The following KIAA0319L variants were observed in gnomAD, a reference collection of about 807,000 sequenced individuals.
KIAA0319L encodes the protein KIAA0319 like.
A neutral mutation model predicts 120.1 loss-of-function variants in KIAA0319L; 55 were observed. That is an observed-to-expected ratio of 0.46 (90% CI 0.37 to 0.57). The LOEUF is 0.57. KIAA0319L is among the 20% of genes least tolerant of loss of function. The pLI, the probability that KIAA0319L is intolerant of heterozygous loss-of-function variation, is 0.00. For synonymous variants in KIAA0319L, 398 were observed against 471.9 expected, an observed-to-expected ratio of 0.84 and a Z score of 2.03; for missense variants, 1,049 against 1,255.3, an observed-to-expected ratio of 0.84 and a Z score of 2.48.
chr1:35,489,887 G>C (rs138729053), intron 3 of KIAA0319L, among the ~76,000 whole-genome samples: 9 of 151,794 alleles, frequency 5.9e-5, no homozygotes, highest in Non-Finnish European at 1.2e-4. Flanking sequence ...GGTTGGTCTC[G>C]AACTCCTGAC....
In KIAA0319L at chr1:35,469,995, A is replaced by G. The variant is rs183309781; in HGVS notation, c.1113+868T>C. ...GTGATCCTCCCACCTCCGCCTCCTG[A>G]CCGGCTGGGACTACAGGTATGAACC... On this transcript the variant is annotated intron_variant, in intron 6 of 20. Coordinates refer to ENST00000325722, the MANE Select transcript of KIAA0319L (RefSeq NM_024874.5). Among the ~76,000 whole-genome samples, 9 of 151,980 alleles carry G rather than the reference A, an allele frequency of 5.9e-5. No individual in the cohort carries two copies. The East Asian group carries it at 1.6e-3, about 27-fold the overall frequency.
chr1:35,484,139 C>T (rs1644276317), intron 3 of KIAA0319L, among the ~76,000 whole-genome samples: 2 of 152,200 alleles, frequency 1.3e-5, no homozygotes, highest in Admixed American at 6.5e-5. Context: ...TCCAGATGGA[C>T]ATGAATGCGG....
chr1:35,508,699 T>C (rs985111746), intron 2 of KIAA0319L, among the ~76,000 whole-genome samples: 1 of 152,112 alleles, frequency 6.6e-6, no homozygotes, highest in African/African-American at 2.4e-5. Context: ...CAGGCACCAA[T>C]AGTAAGAATC....
At chr1:35,452,400 G>A (rs1642129642) in intron 12 of KIAA0319L, among the ~76,000 whole-genome samples, 1 of 152,196 alleles carries the variant, frequency 6.6e-6, no homozygotes, top group Non-Finnish European at 1.5e-5. Flanking sequence ...AGGGAGCTCT[G>A]TGCCAACATT....
intron 3 of KIAA0319L, among the ~76,000 whole-genome samples, chr1:35,484,795 TATATATA>T (rs1180691919): frequency 0.024 from 1,441 of 59,630 alleles, 31 homozygotes; most frequent in East Asian, 0.087. Context: ...TATATATATA[TATATATA>T]TATATTTTTT....
intron 2 of KIAA0319L, among the ~76,000 whole-genome samples, chr1:35,544,535 A>G (rs1646913824): frequency 6.6e-6 from 1 of 152,134 alleles, no homozygotes; most frequent in Admixed American, 6.5e-5. Flanking sequence ...CCTCTTGGGG[A>G]GTGAAGTGCC....
At chr1:35,473,638 G>C (rs971440777) in intron 5 of KIAA0319L, among the ~76,000 whole-genome samples, 2 of 152,194 alleles carry the variant, frequency 1.3e-5, no homozygotes, top group African/African-American at 4.8e-5. Context: ...AGCTTCTCTA[G>C]AGGAATGTGA....
At chr1:35,511,771 A>C (rs1645455475) in intron 2 of KIAA0319L, among the ~76,000 whole-genome samples, 1 of 152,186 alleles carries the variant, frequency 6.6e-6, no homozygotes, top group African/African-American at 2.4e-5. Flanking sequence ...AAGAACCTAA[A>C]TGTCTGTCAG....
chr1:35,540,827 G>C (rs1466186476), intron 2 of KIAA0319L, among the ~76,000 whole-genome samples: 1 of 152,216 alleles, frequency 6.6e-6, no homozygotes, highest in Non-Finnish European at 1.5e-5. Context: ...CTTGATGTCA[G>C]CAATGCCATC....
intron 2 of KIAA0319L, among the ~76,000 whole-genome samples, chr1:35,534,642 G>A (rs1195476635): frequency 3.3e-5 from 5 of 151,888 alleles, no homozygotes; most frequent in Non-Finnish European, 7.4e-5. Flanking sequence ...GGTGGATCAC[G>A]AGGTCAGGAA....
intron 1 of KIAA0319L, 27 bp from the exon 2 acceptor site, chr1:35,554,546 A>ACTCGG: frequency 2.9e-6 from 4 of 1,357,692 alleles, no homozygotes; most frequent in Non-Finnish European, 4.0e-6. Flanking sequence ...AGAAGAAATT[A>ACTCGG]CATGCCGAGT....
At chr1:35,516,910 C>T (rs1645703294) in intron 2 of KIAA0319L, among the ~76,000 whole-genome samples, 1 of 152,066 alleles carries the variant, frequency 6.6e-6, no homozygotes. Flanking sequence ...TACACACCAA[C>T]ACCACCCAAG....
At chr1:35,555,178 A>C (rs983904696) in intron 1 of KIAA0319L, among the ~76,000 whole-genome samples, 4 of 152,198 alleles carry the variant, frequency 2.6e-5, no homozygotes, top group African/African-American at 9.7e-5. Context: ...TTCCAGCAGA[A>C]AAACTCATTT....
chr1:35,516,660 T>G (rs1428033932), intron 2 of KIAA0319L, among the ~76,000 whole-genome samples: 2 of 152,162 alleles, frequency 1.3e-5, no homozygotes, highest in Non-Finnish European at 2.9e-5. Flanking sequence ...AAGGATTCCC[T>G]CTTTTACGAA....
chr1:35,494,987 C>T (rs1170285285), intron 3 of KIAA0319L, among the ~76,000 whole-genome samples: 1 of 152,130 alleles, frequency 6.6e-6, no homozygotes, highest in Admixed American at 6.5e-5. Flanking sequence ...GGTCCTAAAA[C>T]AACTGGATAT....
intron 2 of KIAA0319L, among the ~76,000 whole-genome samples, chr1:35,542,609 C>T (rs750198906): frequency 8.5e-5 from 13 of 152,158 alleles, no homozygotes; most frequent in Non-Finnish European, 1.2e-4. Flanking sequence ...GACCCAAACC[C>T]TTCACTACTG....
chr1:35,492,451 T>G (rs932963269), intron 3 of KIAA0319L, among the ~76,000 whole-genome samples: 3 of 151,782 alleles, frequency 2.0e-5, no homozygotes, highest in African/African-American at 7.3e-5. Flanking sequence ...GAGGTGGAGG[T>G]TGCAGTGAGC....
chr1:35,456,675 G>A (rs1570664171), intron 9 of KIAA0319L, among the ~76,000 whole-genome samples: 1 of 152,150 alleles, frequency 6.6e-6, no homozygotes, highest in South Asian at 2.1e-4. Context: ...AGCCAGGCAT[G>A]GTGGTGCAGG....
In KIAA0319L at chr1:35,506,843, T is replaced by C. The variant is rs2148402526; in HGVS notation, c.435A>G (p.Glu145=). 1 of 1,614,256 alleles carries C rather than the reference T, an allele frequency of 6.2e-7. No homozygotes were observed. The highest frequency in any genetic ancestry group is 1.3e-5 in the African/African-American group (1 of 75,072). Residue 145 remains glutamate, a synonymous_variant, in exon 3 of 21, where the codon GAA becomes GAG. Transcript: ENST00000325722. The surrounding 1 kb of genome is among the most constrained non-coding windows in gnomAD (Gnocchi z 4.0). ...GCCCCAGAAGATGTGGTACATCATC[T>C]TCAGGTAGAAAGCCCAAATCATCTG... The part of the protein sequence containing the change: ...QTADDLGFLP[E]DDVPHLLGLG...
Sources: allele counts gnomAD v4.1 joint callset (sites outside exome capture counted in the v4.1 genomes callset), GRCh38; gene constraint gnomAD v4.1.1; non-coding constraint Gnocchi (gnomAD v3.1); transcripts MANE v1.5; gene names NCBI Gene and HGNC (gene_info 2026-07-23, HGNC 2026-07-21).